The following DENND4A variants were observed in gnomAD, a reference collection of about 807,000 sequenced individuals.
DENND4A encodes the protein C-myc promoter-binding protein.
DENND4A carries 70 observed loss-of-function variants against 199.3 expected under a neutral mutation model. The ratio of observed to expected loss-of-function variants is 0.35; its 90% CI spans 0.29 to 0.43. The LOEUF (loss-of-function observed/expected upper bound fraction) is 0.43, where lower values mean the gene tolerates loss of function less well. Among genes scored for constraint, DENND4A ranks in the 20% least tolerant of loss-of-function variants. DENND4A has a pLI of 1.00. For synonymous variants in DENND4A, 686 were observed against 766.9 expected, an observed-to-expected ratio of 0.89 and a Z score of 1.74; for missense variants, 1,723 against 2,255.8, an observed-to-expected ratio of 0.76 and a Z score of 4.78.
intron 4 of DENND4A, among the ~76,000 whole-genome samples, chr15:65,750,853 T>C (rs2076543123): frequency 6.6e-6 from 1 of 151,928 alleles, no homozygotes; most frequent in African/African-American, 2.4e-5. Flanking sequence ...TTAAGCAGAG[T>C]AGTGATAGGA....
Position 65,691,275 on chromosome 15 carries a change from C to T in DENND4A, c.3319G>A (p.Asp1107Asn). ...ATAACATTTGAAAGAATTTTTGCAT[C>T]AGCTCCCAATTTTTCAACTATATCT... ...PGDIVEKLGA[D>N]AKILSNVISK... Residue 1107 changes from aspartate to asparagine, a missense_variant, in exon 23 of 33, where the codon GAT becomes AAT. Around this residue, in one of 6 missense-constraint regions of DENND4A, gnomAD observed 650 missense variants for 738.1 expected, o/e 0.88. Transcript: ENST00000443035. 3 of 1,613,036 alleles carry T rather than the reference C, an allele frequency of 1.9e-6. No individual in the cohort carries two copies. Among genetic ancestry groups the T allele is most frequent in the African/African-American group, 1.3e-5 (1 of 74,954 alleles).
chr15:65,697,584 A>G (rs548354393), intron 20 of DENND4A, among the ~76,000 whole-genome samples: 47 of 152,328 alleles, frequency 3.1e-4, no homozygotes, highest in African/African-American at 1.1e-3. Context: ...TAATATAAGA[A>G]AGAGATGATC....
At chr15:65,737,350 C>T (rs2076146653) in intron 7 of DENND4A, among the ~76,000 whole-genome samples, 1 of 152,104 alleles carries the variant, frequency 6.6e-6, no homozygotes, top group Admixed American at 6.6e-5. Context: ...TGAACTATTG[C>T]ACTCAGCCCC....
intron 12 of DENND4A, 48 bp downstream of exon 12, chr15:65,722,800 T>C (rs2075687305): frequency 4.5e-6 from 6 of 1,343,232 alleles, no homozygotes; most frequent in Non-Finnish European, 6.0e-6. Flanking sequence ...GTAATTGGAG[T>C]CCCTTTTTCA....
At chr15:65,668,955 G>A (rs1330638662) in intron 27 of DENND4A, among the ~76,000 whole-genome samples, 1 of 152,102 alleles carries the variant, frequency 6.6e-6, no homozygotes, top group Non-Finnish European at 1.5e-5. Flanking sequence ...CAAATCAACT[G>A]TAAATATTCA....
chr15:65,791,779 C>G (rs917368946), intron 1 of DENND4A, among the ~76,000 whole-genome samples: 1 of 152,124 alleles, frequency 6.6e-6, no homozygotes, highest in Non-Finnish European at 1.5e-5. Flanking sequence ...GAGCCCCCCA[C>G]GCGTCCGACG....
chr15:65,669,877 G>A lies in DENND4A; in HGVS notation c.4689C>T (p.Ser1563=), dbSNP rs1287997497. The change falls in exon 27 of 33, where the codon TCC becomes TCT. Residue 1563 remains serine (S), a synonymous_variant. Transcript: ENST00000443035. Reference sequence around the variant, plus strand: ...ACTGCCTCGTCTGACTTGAAATGGAGGATGGAAAGTGCATATTTTCTGTTG... The same window carrying A: ...ACTGCCTCGTCTGACTTGAAATGGAAGATGGAAAGTGCATATTTTCTGTTG... ...SPSTENMHFP[S]SISSQTRQSC... The A allele has an allele frequency of 6.2e-7, 1 of 1,613,770 alleles. No individual in the cohort carries two copies. The highest frequency in any genetic ancestry group is 8.5e-7 in the Non-Finnish European group (1 of 1,179,828).
At chr15:65,748,644 A>C (rs1055520022) in intron 4 of DENND4A, among the ~76,000 whole-genome samples, 4 of 151,572 alleles carry the variant, frequency 2.6e-5, no homozygotes, top group African/African-American at 7.3e-5. Flanking sequence ...AACAAACAAA[A>C]AAAACAAAGA....
At chr15:65,729,279 G>A in intron 10 of DENND4A, 32 bp from the exon 11 acceptor site, 1 of 1,552,032 alleles carries the variant, frequency 6.4e-7, no homozygotes, top group East Asian at 2.4e-5. Context: ...AGAGAATTTA[G>A]CTTTTTAACA....
chr15:65,703,335 T>A (rs187532774), intron 15 of DENND4A, among the ~76,000 whole-genome samples: 82 of 152,344 alleles, frequency 5.4e-4, no homozygotes, highest in African/African-American at 1.9e-3. Context: ...AGCAAACATA[T>A]TAGATAATAT....
chr15:65,790,135 T>C (rs534737984), intron 1 of DENND4A, among the ~76,000 whole-genome samples: 2 of 152,322 alleles, frequency 1.3e-5, no homozygotes, highest in Admixed American at 6.5e-5. Context: ...ATGTAGTCTC[T>C]TCTTCTAGCC....
intron 1 of DENND4A, among the ~76,000 whole-genome samples, chr15:65,782,978 T>C (rs2077471898): frequency 6.6e-6 from 1 of 151,720 alleles, no homozygotes; most frequent in Non-Finnish European, 1.5e-5. Flanking sequence ...TTTTTTTTTT[T>C]TTGGTCACAA....
At chr15:65,700,104 C>G (rs559593108) in intron 20 of DENND4A, among the ~76,000 whole-genome samples, 1 of 152,030 alleles carries the variant, frequency 6.6e-6, no homozygotes, top group Non-Finnish European at 1.5e-5. Context: ...AGCTTCCCCC[C>G]ATGATAATAC....
At chr15:65,727,321 C>T (rs1051923500) in intron 11 of DENND4A, among the ~76,000 whole-genome samples, 3 of 151,560 alleles carry the variant, frequency 2.0e-5, no homozygotes, top group African/African-American at 2.4e-5. Context: ...GGCATGGTGG[C>T]GGGTACCTGT....
intron 5 of DENND4A, among the ~76,000 whole-genome samples, chr15:65,739,484 G>A (rs979652697): frequency 2.6e-5 from 4 of 152,076 alleles, no homozygotes; most frequent in African/African-American, 7.2e-5. Context: ...TTAGGAAAAC[G>A]GTCCAGGCAT....
chr15:65,728,547 G>C (rs545615317), intron 11 of DENND4A, among the ~76,000 whole-genome samples: 6 of 148,152 alleles, frequency 4.0e-5, no homozygotes, highest in African/African-American at 1.3e-4. Context: ...GCAGTGGCGC[G>C]ATCTCAGCTC....
At chr15:65,664,291 A>T in intron 32 of DENND4A, 39 bp downstream of exon 32, 1 of 1,109,974 alleles carries the variant, frequency 9.0e-7, no homozygotes, top group Non-Finnish European at 1.3e-6. Flanking sequence ...CTATTCCATG[A>T]TATATAAATA....
At chr15:65,687,284 T>C (rs1359736845) in intron 23 of DENND4A, among the ~76,000 whole-genome samples, 1 of 152,194 alleles carries the variant, frequency 6.6e-6, no homozygotes, top group Non-Finnish European at 1.5e-5. Context: ...TGAAGGTCTG[T>C]GGGGTAAGTT....
At chr15:65,688,697 T>C (rs896288478) in intron 23 of DENND4A, among the ~76,000 whole-genome samples, 2 of 152,206 alleles carry the variant, frequency 1.3e-5, no homozygotes, top group Non-Finnish European at 2.9e-5. Flanking sequence ...CAGGCTTCTC[T>C]GTTCAGGAAA....
Sources: allele counts gnomAD v4.1 joint callset (sites outside exome capture counted in the v4.1 genomes callset), GRCh38; gene constraint gnomAD v4.1.1; regional missense constraint gnomAD v4.1.1; transcripts MANE v1.5; gene names NCBI Gene and HGNC (gene_info 2026-07-23, HGNC 2026-07-21).